SGCZ: variants seen among roughly 807,000 people sequenced by gnomAD.
SGCZ encodes the protein sarcoglycan zeta.
A neutral mutation model predicts 41.3 loss-of-function variants in SGCZ; 40 were observed. That is an observed-to-expected ratio of 0.97 (90% confidence interval 0.75 to 1.26). The LOEUF (loss-of-function observed/expected upper bound fraction) is 1.26, where lower values mean the gene tolerates loss of function less well. Among genes scored for constraint, SGCZ ranks in the 50% most tolerant of loss-of-function variants. The probability of loss-of-function intolerance (pLI) is 0.00; values close to 1 mark genes in which losing one functional copy is unlikely to be tolerated. For missense variants in SGCZ, 552 were observed against 369.8 expected, an observed-to-expected ratio of 1.49 and a Z score of -4.04; for synonymous variants, 206 against 137.5, an observed-to-expected ratio of 1.50 and a Z score of -3.49.
intron 1 of SGCZ, among the ~76,000 whole-genome samples, chr8:14,616,272 G>C (rs1806100852): frequency 7.1e-6 from 1 of 139,902 alleles, no homozygotes; most frequent in Admixed American, 7.5e-5. Flanking sequence ...CACAGAGCGA[G>C]ACTCTGTCTC....
At chr8:14,877,917 T>C (rs1212781821) in intron 1 of SGCZ, among the ~76,000 whole-genome samples, 1 of 152,044 alleles carries the variant, frequency 6.6e-6, no homozygotes, top group Admixed American at 6.6e-5. Flanking sequence ...CCAATGTAAA[T>C]GTGAAATTGG....
chr8:14,967,240 G>A (rs554052208), intron 1 of SGCZ, among the ~76,000 whole-genome samples: 1 of 152,166 alleles, frequency 6.6e-6, no homozygotes, highest in Non-Finnish European at 1.5e-5. Context: ...CCCTGGTGGT[G>A]TCTGAGACCT....
intron 1 of SGCZ, among the ~76,000 whole-genome samples, chr8:14,987,075 G>A (rs1357819355): frequency 1.3e-5 from 2 of 151,692 alleles, no homozygotes; most frequent in African/African-American, 4.8e-5. Flanking sequence ...TTAACTATTT[G>A]TTCTGCATAA....
chr8:14,237,726 C>A, intron 3 of SGCZ, 47 bp from the exon 4 acceptor site: 1 of 1,543,672 alleles, frequency 6.5e-7, no homozygotes, highest in Non-Finnish European at 8.9e-7. Flanking sequence ...GAAATATCGT[C>A]AAATTTACAA....
At chr8:14,225,544 A>G (rs920102434) in intron 4 of SGCZ, among the ~76,000 whole-genome samples, 12 of 152,146 alleles carry the variant, frequency 7.9e-5, no homozygotes, top group Non-Finnish European at 1.3e-4. Context: ...GCCAAAAATA[A>G]TAATACTAAT....
chr8:14,269,196 G>A (rs746389932), intron 3 of SGCZ, among the ~76,000 whole-genome samples: 1 of 152,026 alleles, frequency 6.6e-6, no homozygotes, highest in African/African-American at 2.4e-5. Context: ...GCATTATATT[G>A]TAAGCACTTT....
At chr8:14,261,579 A>AGT (rs1799668953) in intron 3 of SGCZ, among the ~76,000 whole-genome samples, 3 of 152,306 alleles carry the variant, frequency 2.0e-5, no homozygotes, top group South Asian at 2.1e-4. Context: ...CATCTGGACC[A>AGT]ATGCCAAGTA....
At chr8:15,024,935 CAAATAAAT>C (rs71209100) in intron 1 of SGCZ, among the ~76,000 whole-genome samples, 43,044 of 142,534 alleles carry the variant, frequency 0.3, 6,713 homozygotes, top group East Asian at 0.51. Flanking sequence ...GACTCCGTCT[CAAATAAAT>C]AAATAAATAA....
intron 1 of SGCZ, among the ~76,000 whole-genome samples, chr8:14,903,868 A>C (rs1799045597): frequency 6.6e-6 from 1 of 152,052 alleles, no homozygotes. Flanking sequence ...TAAATAGAAT[A>C]AATATACAGA....
At position 14,516,392 on chromosome 8, in the gene SGCZ, T is replaced by C. The variant is rs1306710202; in HGVS notation, c.234+38340A>G. ...AGCTTTCACTTACAAGGGGGATACC[T>C]ATATGGCATAAAAAAGGGTGAAAAT... On this transcript the variant is annotated intron_variant, in intron 2 of 7. Transcript: ENST00000382080. Among the ~76,000 whole-genome samples the C allele has an allele frequency of 2.6e-5, 4 of 152,038 alleles. 1 individual carries two copies. In the South Asian group the frequency reaches 6.2e-4, roughly 24 times the overall value.
At chr8:14,495,779 GT>G (rs113691111) in intron 2 of SGCZ, among the ~76,000 whole-genome samples, 1 of 151,754 alleles carries the variant, frequency 6.6e-6, no homozygotes, top group Non-Finnish European at 1.5e-5. Context: ...TTAGATAAAC[GT>G]TTTTTTGAAA....
chr8:14,386,061 A>C (rs1036187741), intron 2 of SGCZ, among the ~76,000 whole-genome samples: 4 of 151,860 alleles, frequency 2.6e-5, no homozygotes, highest in Non-Finnish European at 4.4e-5. Context: ...TTTTGTTTTT[A>C]TTTTCTAAAT....
chr8:15,164,042 C>T (rs992286259), intron 1 of SGCZ, among the ~76,000 whole-genome samples: 23 of 152,332 alleles, frequency 1.5e-4, no homozygotes, highest in African/African-American at 5.1e-4. Context: ...GGGACTCTGA[C>T]CTAGCGAGGG....
intron 1 of SGCZ, among the ~76,000 whole-genome samples, chr8:14,708,559 C>T (rs151301314): frequency 6.6e-6 from 1 of 151,856 alleles, no homozygotes; most frequent in Non-Finnish European, 1.5e-5. Flanking sequence ...AGATTTCTGA[C>T]ATGCCTGAGC....
chr8:14,647,830 G>C lies in SGCZ; in HGVS notation c.40-92904C>G, dbSNP rs148915473. 1.5e-3 allele frequency among the ~76,000 whole-genome samples: 231 copies of C among 152,142 alleles called. 1 individual carries two copies. Among genetic ancestry groups the C allele is most frequent in the African/African-American group, 5.1e-3 (213 of 41,550 alleles). ...AGAAACCACTTCACTATTTTCTTCA[G>C]TGTTCTCATCTGTAAGTTGAAGTTA... On this transcript the variant is annotated intron_variant, in intron 1 of 7. Transcript: ENST00000382080.
At chr8:15,105,658 A>G (rs904882774) in intron 1 of SGCZ, among the ~76,000 whole-genome samples, 1 of 152,158 alleles carries the variant, frequency 6.6e-6, no homozygotes, top group African/African-American at 2.4e-5. Flanking sequence ...TCATCATGAG[A>G]TCTGGGCAGG....
intron 2 of SGCZ, among the ~76,000 whole-genome samples, chr8:14,484,351 C>T (rs28568420): frequency 0.071 from 10,723 of 151,498 alleles, 1,170 homozygotes; most frequent in African/African-American, 0.23. Context: ...TTAGTGACTC[C>T]GAAATAGTGA....
intron 2 of SGCZ, among the ~76,000 whole-genome samples, chr8:14,344,441 G>T (rs899236726): frequency 6.6e-6 from 1 of 151,696 alleles, no homozygotes; most frequent in Admixed American, 6.6e-5. Flanking sequence ...ATTAACTATA[G>T]AATAACAACA....
rs564125084 is a variant in SGCZ, at chr8:14,245,586, T to C, written c.337-7907A>G. ...AAAGCAATGGCAACAAAAGCCAAAA[T>C]TGACAAATGGGATCTAATTAAACTA... On this transcript the variant is annotated intron_variant, in intron 3 of 7. Coordinates refer to ENST00000382080, the MANE Select transcript of SGCZ (RefSeq NM_139167.4). Among the ~76,000 whole-genome samples, 4 of 152,156 alleles carry C rather than the reference T, an allele frequency of 2.6e-5. No homozygotes were observed. In the East Asian group the frequency reaches 7.7e-4, roughly 29 times the overall value.
Sources: gnomAD v4.1 joint callset for allele counts (sites outside exome capture counted in the v4.1 genomes callset) on GRCh38, gnomAD v4.1.1 for gene constraint, MANE v1.5 for transcripts, NCBI Gene and HGNC (gene_info 2026-07-23, HGNC 2026-07-21) for gene names.